The following TMEM135 variants were observed in gnomAD, a reference collection of about 807,000 sequenced individuals.
TMEM135 encodes the protein transmembrane protein 135.
TMEM135 carries 30 observed loss-of-function variants against 60.3 expected under a neutral mutation model. The ratio of observed to expected loss-of-function variants is 0.50; its 90% CI spans 0.37 to 0.68. The LOEUF (loss-of-function observed/expected upper bound fraction) is 0.68. Ranked by LOEUF, TMEM135 falls within the 30% of genes least tolerant of loss-of-function variation. TMEM135 has a pLI of 0.00. For synonymous variants in TMEM135, 190 were observed against 186.7 expected (o/e 1.02, Z -0.14); for missense variants, 468 against 548.8 (o/e 0.85, Z 1.47).
intron 6 of TMEM135, among the ~76,000 whole-genome samples, chr11:87,257,122 A>T (rs541788489): frequency 1.3e-5 from 2 of 152,314 alleles, no homozygotes; most frequent in African/African-American, 4.8e-5. Context: ...TCCAAACATT[A>T]TATCCTTTCG....
chr11:87,156,435 G>A (rs763573702), intron 4 of TMEM135, among the ~76,000 whole-genome samples: 2 of 152,130 alleles, frequency 1.3e-5, no homozygotes, highest in Admixed American at 6.5e-5. Flanking sequence ...CATTGAATCT[G>A]TCGATCACTT....
At chr11:87,275,082 C>G (rs926680307) in intron 6 of TMEM135, among the ~76,000 whole-genome samples, 1 of 151,568 alleles carries the variant, frequency 6.6e-6, no homozygotes, top group African/African-American at 2.4e-5. Context: ...TATGTTCAGA[C>G]CCCTGCAATT....
intron 4 of TMEM135, among the ~76,000 whole-genome samples, chr11:87,138,686 A>G (rs1325217946): frequency 5.3e-5 from 8 of 152,210 alleles, no homozygotes; most frequent in Non-Finnish European, 1.2e-4. Context: ...GTTACTATAT[A>G]GTATGATACA....
chr11:87,163,120 C>A (rs1938935085), intron 5 of TMEM135, among the ~76,000 whole-genome samples: 1 of 149,972 alleles, frequency 6.7e-6, no homozygotes, highest in Non-Finnish European at 1.5e-5. Flanking sequence ...ATGTGCCATG[C>A]TGGTGCACTG....
At chr11:87,125,530 A>G (rs1291692834) in intron 4 of TMEM135, among the ~76,000 whole-genome samples, 1 of 152,220 alleles carries the variant, frequency 6.6e-6, no homozygotes, top group Non-Finnish European at 1.5e-5. Flanking sequence ...GATTCATTTG[A>G]TTTATAGCTA....
At chr11:87,075,089 G>A (rs574705901) in intron 3 of TMEM135, among the ~76,000 whole-genome samples, 18 of 151,838 alleles carry the variant, frequency 1.2e-4, no homozygotes, top group African/African-American at 4.1e-4. Context: ...CCCAACCCCC[G>A]ACCAGTAGCT....
intron 4 of TMEM135, among the ~76,000 whole-genome samples, chr11:87,142,938 G>T (rs1938307086): frequency 6.7e-6 from 1 of 149,142 alleles, no homozygotes. Context: ...TTTCCTGTTG[G>T]GACCTCAATT....
intron 12 of TMEM135, among the ~76,000 whole-genome samples, chr11:87,317,005 A>G (rs992218294): frequency 6.6e-6 from 1 of 151,936 alleles, no homozygotes; most frequent in East Asian, 1.9e-4. Context: ...AAAATGTTCT[A>G]TTACTGTACA....
rs546843709 is a variant in TMEM135, at chr11:87,259,244, C to T, written c.509+22560C>T. On this transcript the variant is annotated intron_variant, in intron 6 of 14. Coordinates refer to ENST00000305494, the MANE Select transcript of TMEM135 (RefSeq NM_022918.4). The stretch of plus-strand genomic sequence containing the variant: ...GCAATTCCTCCGGGGATAGGGGTTC[C>T]CCTGCGACAGCGGCCATGGCTGTAG... 2.7e-4 allele frequency: 121 copies of T among 441,414 alleles called. 1 individual carries two copies. The highest frequency in any genetic ancestry group is 1.7e-3 in the African/African-American group (84 of 49,636). The allele number at this position is 441,414 out of a possible 1,614,324, so 27.3% of individuals were successfully genotyped here.
intron 5 of TMEM135, among the ~76,000 whole-genome samples, chr11:87,198,579 CCT>C (rs1161627521): frequency 6.7e-6 from 1 of 148,422 alleles, no homozygotes. Context: ...TCTCCGCTCC[CCT>C]CTCTCTCATT....
At chr11:87,287,522 C>G (rs1033651737) in intron 6 of TMEM135, among the ~76,000 whole-genome samples, 1 of 152,030 alleles carries the variant, frequency 6.6e-6, no homozygotes, top group Non-Finnish European at 1.5e-5. Context: ...ACTAAAAATA[C>G]AAAAATTAGC....
At position 87,080,067 on chromosome 11, in the gene TMEM135, C is replaced by T. The variant is rs373104122; in HGVS notation, c.362+8452C>T. Among the ~76,000 whole-genome samples, 32 of 151,522 alleles carry T rather than the reference C, an allele frequency of 2.1e-4. 2 individuals carry two copies. In the South Asian group the frequency reaches 6.3e-3, roughly 30 times the overall value. ...ATATTGGCCAGGCTGGTCTCGAACT[C>T]CTGACCTCGTGATCTGCCCTCCTCA... On this transcript the variant is annotated intron_variant, in intron 3 of 14. Coordinates refer to ENST00000305494, the MANE Select transcript of TMEM135 (RefSeq NM_022918.4).
At chr11:87,170,387 C>T (rs910652620) in intron 5 of TMEM135, among the ~76,000 whole-genome samples, 1 of 152,084 alleles carries the variant, frequency 6.6e-6, no homozygotes, top group Non-Finnish European at 1.5e-5. Context: ...GAATTTTCAG[C>T]CTTTTTGCAC....
In TMEM135 at chr11:87,322,616, T is replaced by TA. The variant is rs1438053997; in HGVS notation, c.*1288dup. 5 of 454,006 alleles carry TA rather than the reference T, an allele frequency of 1.1e-5. No homozygotes were observed. Among genetic ancestry groups the TA allele is most frequent in the South Asian group, 6.2e-5 (4 of 64,464 alleles). The allele number at this position is 454,006 out of a possible 1,614,324, so 28.1% of individuals were successfully genotyped here. On this transcript the variant is annotated 3_prime_UTR_variant, in exon 15 of 15. Coordinates refer to ENST00000305494, the MANE Select transcript of TMEM135 (RefSeq NM_022918.4). ...ATATTTTTAAAATACATTTTGTTGC[T>TA]AAAAAGTTTTTAGGCCAGTGCAAAT...
intron 5 of TMEM135, among the ~76,000 whole-genome samples, chr11:87,203,020 G>A (rs561776385): frequency 1.7e-5 from 2 of 116,256 alleles, no homozygotes; most frequent in East Asian, 2.9e-4. Flanking sequence ...GCGACAGAGT[G>A]AGACTCCGTC....
intron 13 of TMEM135, among the ~76,000 whole-genome samples, chr11:87,318,557 A>G (rs1454816392): frequency 1.3e-5 from 2 of 152,092 alleles, no homozygotes; most frequent in African/African-American, 2.4e-5. Context: ...TTAAAAAAAA[A>G]AGGATAATAG....
At chr11:87,266,656 C>G (rs1649905173) in intron 6 of TMEM135, among the ~76,000 whole-genome samples, 1 of 152,118 alleles carries the variant, frequency 6.6e-6, no homozygotes, top group African/African-American at 2.4e-5. Context: ...AAAACAAAAG[C>G]TATCAGACAT....
intron 1 of TMEM135, among the ~76,000 whole-genome samples, chr11:87,043,741 A>ACAAC (rs1949771275): frequency 6.6e-6 from 1 of 151,778 alleles, no homozygotes; most frequent in South Asian, 2.1e-4. Context: ...AAACAAACAA[A>ACAAC]CAAAAAAAAC....
chr11:87,163,788 G>T (rs1260321209), intron 5 of TMEM135, among the ~76,000 whole-genome samples: 70 of 143,896 alleles, frequency 4.9e-4, no homozygotes, highest in Non-Finnish European at 8.0e-4. Context: ...CTGATGGCCA[G>T]TGATGATGAG....
Sources: allele counts gnomAD v4.1 joint callset (sites outside exome capture counted in the v4.1 genomes callset), GRCh38; gene constraint gnomAD v4.1.1; transcripts MANE v1.5; gene names NCBI Gene and HGNC (gene_info 2026-07-23, HGNC 2026-07-21).